The following PRKN variants were observed in gnomAD, a reference collection of about 807,000 sequenced individuals.
PRKN encodes the protein E3 ubiquitin-protein ligase parkin.
PRKN carries 56 observed loss-of-function variants against 59.5 expected under a neutral mutation model. The observed-to-expected ratio is 0.94, with a 90% CI of 0.76 to 1.18. PRKN has a LOEUF of 1.18. Ranked by LOEUF, PRKN falls within the 50% of genes most tolerant of loss-of-function variation. The pLI is 0.00. For missense variants in PRKN, 657 were observed against 596.4 expected (o/e 1.10, Z -1.06); for synonymous variants, 250 against 222.1 (o/e 1.13, Z -1.12).
At chr6:161,416,042 T>G (rs1787833307) in intron 9 of PRKN, among the ~76,000 whole-genome samples, 1 of 151,966 alleles carries the variant, frequency 6.6e-6, no homozygotes, top group Non-Finnish European at 1.5e-5. Flanking sequence ...GCTCTTCCCA[T>G]CCTCCCACCC....
intron 1 of PRKN, among the ~76,000 whole-genome samples, chr6:162,505,985 G>C (rs1022133493): frequency 6.6e-6 from 1 of 152,158 alleles, no homozygotes; most frequent in African/African-American, 2.4e-5. Flanking sequence ...TTCCTATATT[G>C]CTTCAGTTAC....
At chr6:162,611,703 A>T (rs1782158944) in intron 1 of PRKN, among the ~76,000 whole-genome samples, 1 of 152,186 alleles carries the variant, frequency 6.6e-6, no homozygotes, top group Non-Finnish European at 1.5e-5. Flanking sequence ...GTCCAGTTCC[A>T]CTTGAGAAGT....
chr6:162,525,676 G>C (rs73591840), intron 1 of PRKN, among the ~76,000 whole-genome samples: 2,782 of 151,986 alleles, frequency 0.018, 84 homozygotes, highest in African/African-American at 0.063. Flanking sequence ...GGCCAATTTT[G>C]TTCACTTCAT....
At chr6:161,734,787 C>T (rs1041586357) in intron 7 of PRKN, among the ~76,000 whole-genome samples, 1 of 152,110 alleles carries the variant, frequency 6.6e-6, no homozygotes, top group Non-Finnish European at 1.5e-5. Flanking sequence ...GGTATGTACA[C>T]TCTGTACTGA....
intron 1 of PRKN, among the ~76,000 whole-genome samples, chr6:162,625,930 T>C (rs1026603288): frequency 2.0e-5 from 3 of 152,246 alleles, no homozygotes; most frequent in Non-Finnish European, 4.4e-5. Context: ...GACTTCAGTC[T>C]GCTTTCTTTA....
At chr6:162,031,756 C>T (rs1783650939) in intron 5 of PRKN, among the ~76,000 whole-genome samples, 1 of 152,068 alleles carries the variant, frequency 6.6e-6, no homozygotes, top group African/African-American at 2.4e-5. Context: ...TCTCGAACTC[C>T]TGACCTCAGG....
intron 7 of PRKN, among the ~76,000 whole-genome samples, chr6:161,777,659 T>TTA (rs568399365): frequency 0.017 from 2,293 of 133,226 alleles, 76 homozygotes; most frequent in African/African-American, 0.059. Flanking sequence ...TATATATATA[T>TTA]TATATATATG....
intron 2 of PRKN, among the ~76,000 whole-genome samples, chr6:162,299,046 A>G (rs547307034): frequency 1.2e-4 from 19 of 152,280 alleles, no homozygotes; most frequent in African/African-American, 4.1e-4. Flanking sequence ...TGAAGGGAGG[A>G]TGGCCCACAG....
In PRKN at chr6:161,735,923, C is replaced by A. The variant is rs568962373; in HGVS notation, c.871+49849G>T. Among the ~76,000 whole-genome samples, 553 of 146,230 alleles carry A rather than the reference C, an allele frequency of 3.8e-3. 2 individuals carry two copies. Among genetic ancestry groups the A allele is most frequent in the African/African-American group, 0.013 (510 of 39,876 alleles). ...GAGCGAGACTCTGTCTCAGAAAAAACAAAAAAAAAAGTGAGACTATAAAAA... is the reference window on the plus strand; with the variant it reads ...GAGCGAGACTCTGTCTCAGAAAAAAAAAAAAAAAAAGTGAGACTATAAAAA... On this transcript the variant is annotated intron_variant, in intron 7 of 11. Transcript: ENST00000366898.
At chr6:162,290,721 C>T (rs1224240456) in intron 2 of PRKN, among the ~76,000 whole-genome samples, 1 of 152,144 alleles carries the variant, frequency 6.6e-6, no homozygotes, top group Non-Finnish European at 1.5e-5. Context: ...ATGGCAATTT[C>T]CTCTTTGCAG....
rs1388784975 is a variant in PRKN, at chr6:161,473,241, A to G, written c.1083+75613T>C. Among the ~76,000 whole-genome samples, 1 of 152,076 alleles carries G rather than the reference A, an allele frequency of 6.6e-6. No homozygotes were observed. The highest frequency in any genetic ancestry group is 2.1e-4 in the South Asian group (1 of 4,826). On this transcript the variant is annotated intron_variant, in intron 9 of 11. Transcript: ENST00000366898. The surrounding 1 kb of genome is among the most constrained non-coding windows in gnomAD (Gnocchi z 4.1). ...TTTACAATAGCAAGATATGCAAACA[A>G]CCTAAGTAAGCATCAAAGGATGAAT...
At chr6:161,383,739 G>T (rs1057067028) in intron 10 of PRKN, among the ~76,000 whole-genome samples, 1 of 152,136 alleles carries the variant, frequency 6.6e-6, no homozygotes, top group Non-Finnish European at 1.5e-5. Context: ...GCCCTGTGAT[G>T]GTTCCTGTGT....
intron 6 of PRKN, among the ~76,000 whole-genome samples, chr6:161,965,030 T>C (rs1780523795): frequency 6.6e-6 from 1 of 152,044 alleles, no homozygotes; most frequent in African/African-American, 2.4e-5. Context: ...AAGATCTCCA[T>C]TCCCTATCTC....
chr6:161,389,492 C>A (rs571535437), intron 9 of PRKN, among the ~76,000 whole-genome samples: 2 of 152,338 alleles, frequency 1.3e-5, no homozygotes, highest in African/African-American at 2.4e-5. Context: ...TGCATCAGAA[C>A]GTCCTTACAC....
chr6:162,208,683 A>G (rs1420969344), intron 3 of PRKN, among the ~76,000 whole-genome samples: 5 of 152,180 alleles, frequency 3.3e-5, no homozygotes, highest in Non-Finnish European at 7.3e-5. Flanking sequence ...TCAGAAATGG[A>G]TACGGGCCAG....
intron 4 of PRKN, among the ~76,000 whole-genome samples, chr6:162,182,655 C>T (rs749008770): frequency 1.1e-4 from 17 of 152,196 alleles, no homozygotes; most frequent in Admixed American, 3.3e-4. Flanking sequence ...CAGGAGTACA[C>T]GGGAATTTTT....
chr6:162,227,316 T>G (rs1405110913), intron 3 of PRKN, among the ~76,000 whole-genome samples: 1 of 152,198 alleles, frequency 6.6e-6, no homozygotes, highest in Non-Finnish European at 1.5e-5. Context: ...CCCACCTTAA[T>G]GTAATAAACC....
chr6:161,875,004 T>TA (rs1491330535), intron 6 of PRKN, among the ~76,000 whole-genome samples: 1 of 92,366 alleles, frequency 1.1e-5, no homozygotes, highest in Non-Finnish European at 1.8e-5. Context: ...ATATAATATA[T>TA]TATATATTAT....
chr6:161,908,824 A>C (rs1353673153), intron 6 of PRKN, among the ~76,000 whole-genome samples: 2 of 152,230 alleles, frequency 1.3e-5, no homozygotes, highest in Admixed American at 1.3e-4. Flanking sequence ...ATTGGCAAAC[A>C]AGAACATGGA....
Sources: allele counts gnomAD v4.1 joint callset (sites outside exome capture counted in the v4.1 genomes callset), GRCh38; gene constraint gnomAD v4.1.1; non-coding constraint Gnocchi (gnomAD v3.1); transcripts MANE v1.5; gene names NCBI Gene and HGNC (gene_info 2026-07-23, HGNC 2026-07-21).